Variants in TAS2R1 observed in about 807,000 individuals in gnomAD.
TAS2R1 encodes taste receptor type 2 member 1.
For synonymous variants in TAS2R1, 141 were observed against 134.2 expected, an observed-to-expected ratio of 1.05 and a Z score of -0.35; for missense variants, 370 against 353.4, an observed-to-expected ratio of 1.05 and a Z score of -0.38.
chr5:9,803,894 C>T, the TAS2R1 span, among the ~76,000 whole-genome samples: 1 of 152,132 alleles, frequency 6.6e-6, no homozygotes, highest in East Asian at 1.9e-4. Context: ...TATCTCAATA[C>T]TAACATTGAA....
At chr5:9,818,049 A>T in the TAS2R1 span, among the ~76,000 whole-genome samples, 1 of 152,152 alleles carries the variant, frequency 6.6e-6, no homozygotes, top group South Asian at 2.1e-4. Flanking sequence ...TAAGATTTGG[A>T]TGAGGACACA....
chr5:9,809,073 A>T, the TAS2R1 span, among the ~76,000 whole-genome samples: 1 of 152,158 alleles, frequency 6.6e-6, no homozygotes, highest in Non-Finnish European at 1.5e-5. Context: ...CGTCTATCCT[A>T]TACCTGTCTC....
the TAS2R1 span, among the ~76,000 whole-genome samples, chr5:9,778,073 G>A: frequency 2.0e-5 from 3 of 152,012 alleles, no homozygotes; most frequent in Admixed American, 6.5e-5. Context: ...GTAGAGACAG[G>A]GTTTCACCTT....
chr5:9,891,483 G>A, the TAS2R1 span, among the ~76,000 whole-genome samples: 1 of 151,972 alleles, frequency 6.6e-6, no homozygotes. Context: ...AGCTCTTTGG[G>A]GCCAGGAGAC....
At chr5:9,646,044 G>A (rs1309126399) in intron 2 of TAS2R1, among the ~76,000 whole-genome samples, 1 of 152,016 alleles carries the variant, frequency 6.6e-6, no homozygotes, top group Non-Finnish European at 1.5e-5. Flanking sequence ...GTTAGTAACT[G>A]GAACCAGACA....
At chr5:9,676,996 G>C (rs538444467) in intron 1 of TAS2R1, among the ~76,000 whole-genome samples, 1 of 152,216 alleles carries the variant, frequency 6.6e-6, no homozygotes, top group East Asian at 1.9e-4. Flanking sequence ...CAATCACATG[G>C]AATCAACCTA....
chr5:9,761,747 T>G, the TAS2R1 span, among the ~76,000 whole-genome samples: 2,273 of 152,322 alleles, frequency 0.015, 29 homozygotes, highest in Admixed American at 0.027. Flanking sequence ...CAAGAGTAAT[T>G]ATGACTCTGT....
the TAS2R1 span, among the ~76,000 whole-genome samples, chr5:9,801,164 C>A: frequency 6.6e-6 from 1 of 152,336 alleles, no homozygotes; most frequent in South Asian, 2.1e-4. Context: ...GCATTCCAGC[C>A]TGGGCGACAA....
the TAS2R1 span, among the ~76,000 whole-genome samples, chr5:9,840,876 T>TGAGA: frequency 1.4e-5 from 1 of 72,948 alleles, no homozygotes; most frequent in Non-Finnish European, 2.5e-5. Flanking sequence ...TTTTTTTTTT[T>TGAGA]TTTTTTTTTT....
chr5:9,846,439 C>T, the TAS2R1 span, among the ~76,000 whole-genome samples: 25 of 152,168 alleles, frequency 1.6e-4, no homozygotes, highest in Admixed American at 2.0e-4. Flanking sequence ...CTGTGTCTCC[C>T]GGACACGCTA....
At chr5:9,725,612 C>T in the TAS2R1 span, among the ~76,000 whole-genome samples, 1 of 152,194 alleles carries the variant, frequency 6.6e-6, no homozygotes, top group Non-Finnish European at 1.5e-5. Context: ...CTCCCCCATC[C>T]GCCCCCGTGG....
chr5:9,814,047 C>A, the TAS2R1 span, among the ~76,000 whole-genome samples: 1 of 152,168 alleles, frequency 6.6e-6, no homozygotes, highest in Non-Finnish European at 1.5e-5. Flanking sequence ...TCTTTTCTTT[C>A]CAACCCAGGC....
chr5:9,711,180 C>T (rs1224935230), intron 1 of TAS2R1, among the ~76,000 whole-genome samples: 1 of 151,864 alleles, frequency 6.6e-6, no homozygotes, highest in Non-Finnish European at 1.5e-5. Flanking sequence ...TCTAAAAGAA[C>T]TGAAATCAGG....
At chr5:9,700,139 A>G (rs1741446436) in intron 1 of TAS2R1, among the ~76,000 whole-genome samples, 1 of 152,180 alleles carries the variant, frequency 6.6e-6, no homozygotes, top group African/African-American at 2.4e-5. Flanking sequence ...GAACACAATG[A>G]GGCATTTCCT....
At chr5:9,638,980 T>A (rs1246978172) in intron 2 of TAS2R1, among the ~76,000 whole-genome samples, 2 of 152,146 alleles carry the variant, frequency 1.3e-5, no homozygotes, top group African/African-American at 4.8e-5. Flanking sequence ...GTGCCCCCGC[T>A]CAGTGCCCAA....
At chr5:9,803,804 TC>T in the TAS2R1 span, among the ~76,000 whole-genome samples, 2 of 152,054 alleles carry the variant, frequency 1.3e-5, no homozygotes, top group Non-Finnish European at 2.9e-5. Context: ...AGCATAAATC[TC>T]ACAGGACTAT....
At chr5:9,706,194 A>T (rs1178384548) in intron 1 of TAS2R1, among the ~76,000 whole-genome samples, 2 of 152,236 alleles carry the variant, frequency 1.3e-5, no homozygotes, top group Non-Finnish European at 2.9e-5. Context: ...ACAAACTAGC[A>T]CCATTTCTTA....
At chr5:9,834,624 T>C in the TAS2R1 span, among the ~76,000 whole-genome samples, 300 of 152,242 alleles carry the variant, frequency 2.0e-3, 3 homozygotes, top group African/African-American at 6.9e-3. Flanking sequence ...TCTAGTTTCA[T>C]CTTCAGACGT....
chr5:9,812,859 T>C, the TAS2R1 span, among the ~76,000 whole-genome samples: 1 of 152,186 alleles, frequency 6.6e-6, no homozygotes, highest in Admixed American at 6.5e-5. Flanking sequence ...TTTTAGTTGG[T>C]CATCTGACTG....
Sources: gnomAD v4.1 joint callset for allele counts (sites outside exome capture counted in the v4.1 genomes callset) on GRCh38, gnomAD v4.1.1 for gene constraint, MANE v1.5 for transcripts, NCBI Gene and HGNC (gene_info 2026-07-23, HGNC 2026-07-21) for gene names.